Variants in ROBO1 observed in about 807,000 individuals in gnomAD.
ROBO1 encodes the protein roundabout homolog 1.
ROBO1 carries 149 observed loss-of-function variants against 195.9 expected under a neutral mutation model. The ratio of observed to expected loss-of-function variants is 0.76; its 90% CI spans 0.67 to 0.87. ROBO1 has a LOEUF of 0.87. Ranked by LOEUF, ROBO1 falls within the 40% of genes least tolerant of loss-of-function variation. ROBO1 has a pLI of 0.00. For synonymous variants in ROBO1, 816 were observed against 733.2 expected, an observed-to-expected ratio of 1.11 and a Z score of -1.82; for missense variants, 1,933 against 2,068.3, an observed-to-expected ratio of 0.93 and a Z score of 1.27.
intron 3 of ROBO1, among the ~76,000 whole-genome samples, chr3:78,947,866 A>T (rs894313023): frequency 6.6e-6 from 1 of 152,226 alleles, no homozygotes; most frequent in African/African-American, 2.4e-5. Context: ...ACAGAAACAC[A>T]AACTACCATC....
At position 78,627,423 on chromosome 3, in the gene ROBO1, T is replaced by A. The variant is rs1704876398; in HGVS notation, c.3773A>T (p.Gln1258Leu). ...SSPAAVSYSH[Q>L]STATLTPSPQ... ...GGAGGGAGTCAGAGTGGCAGTGGAC[T>A]GATGGCTATAGGACACGGCAGCTGG... Residue 1258 changes from glutamine (Q) to leucine (L), a missense_variant, in exon 26 of 31, where the codon CAG becomes CTG. Gln to Leu is a moderately radical substitution (Grantham distance 113). Around this residue, in one of 3 missense-constraint regions of ROBO1, gnomAD observed 1,737 missense variants for 1,882.5 expected, o/e 0.92. Coordinates refer to ENST00000464233, the MANE Select transcript of ROBO1 (RefSeq NM_002941.4). 1 of 1,612,956 alleles carries A rather than the reference T, an allele frequency of 6.2e-7. No individual in the cohort carries two copies. The highest frequency in any genetic ancestry group is 1.3e-5 in the African/African-American group (1 of 74,922).
chr3:79,291,868 T>G (rs988273762), intron 2 of ROBO1, among the ~76,000 whole-genome samples: 1 of 152,218 alleles, frequency 6.6e-6, no homozygotes, highest in Non-Finnish European at 1.5e-5. Flanking sequence ...TAATTACTTA[T>G]GCCAAATATT....
chr3:79,590,159 T>G (rs1943953812), intron 1 of ROBO1, among the ~76,000 whole-genome samples, 198 bp from the exon 2 acceptor site: 1 of 151,780 alleles, frequency 6.6e-6, no homozygotes, highest in Non-Finnish European at 1.5e-5. Context: ...TGGTATTTAT[T>G]AATTTTGAAA....
At chr3:79,107,127 TCACACACACACACA>T (rs369021063) in intron 3 of ROBO1, among the ~76,000 whole-genome samples, 2 of 136,384 alleles carry the variant, frequency 1.5e-5, no homozygotes, top group African/African-American at 2.7e-5. Flanking sequence ...TCTCTCTCTC[TCACACACACACACA>T]CACACACACA....
At chr3:79,570,233 T>C (rs1286836312) in intron 2 of ROBO1, among the ~76,000 whole-genome samples, 2 of 151,928 alleles carry the variant, frequency 1.3e-5, no homozygotes, top group African/African-American at 4.8e-5. Flanking sequence ...TGTGTGCATA[T>C]GCCTGTGAAA....
intron 4 of ROBO1, among the ~76,000 whole-genome samples, chr3:78,807,695 G>C (rs2084588962): frequency 6.6e-6 from 1 of 152,140 alleles, no homozygotes; most frequent in Admixed American, 6.5e-5. Flanking sequence ...AAGCTTATGA[G>C]AACATATGGT....
At chr3:79,579,229 T>C (rs1943585514) in intron 2 of ROBO1, among the ~76,000 whole-genome samples, 1 of 152,166 alleles carries the variant, frequency 6.6e-6, no homozygotes, top group South Asian at 2.1e-4. Flanking sequence ...ATTTAAAATG[T>C]ATTCTATAAT....
At chr3:78,906,834 T>C in intron 4 of ROBO1, among the ~76,000 whole-genome samples, 1 of 152,088 alleles carries the variant, frequency 6.6e-6, no homozygotes, top group Middle Eastern at 3.4e-3. Context: ...AACACTTCCA[T>C]GAAAAATAAC....
At chr3:79,594,329 C>T (rs1465352410) in intron 1 of ROBO1, among the ~76,000 whole-genome samples, 2 of 151,892 alleles carry the variant, frequency 1.3e-5, no homozygotes, top group African/African-American at 4.8e-5. Context: ...CCTTTGAATA[C>T]CATATGAACA....
At chr3:78,739,549 A>G (rs1158391003) in intron 5 of ROBO1, among the ~76,000 whole-genome samples, 2 of 152,126 alleles carry the variant, frequency 1.3e-5, no homozygotes, top group Non-Finnish European at 2.9e-5. Flanking sequence ...AAATGATGAC[A>G]GTTAATTGTT....
intron 1 of ROBO1, among the ~76,000 whole-genome samples, chr3:79,675,410 G>GAC (rs1466203518): frequency 6.6e-6 from 1 of 152,010 alleles, no homozygotes; most frequent in Admixed American, 6.6e-5. Flanking sequence ...ATTCATAGAT[G>GAC]ATAAAGATGT....
Position 79,060,952 on chromosome 3 carries a change from C to A in ROBO1, c.172+64504G>T, listed in dbSNP as rs553652550. ...TGAAAACTGGCACAAGGCAAGGATGCCCTCTCTCACCACTCCTATTCAACA... is the reference window on the plus strand; with the variant it reads ...TGAAAACTGGCACAAGGCAAGGATGACCTCTCTCACCACTCCTATTCAACA... On this transcript the variant is annotated intron_variant, in intron 3 of 30. Coordinates refer to ENST00000464233, the MANE Select transcript of ROBO1 (RefSeq NM_002941.4). Among the ~76,000 whole-genome samples, 3 of 152,142 alleles carry A rather than the reference C, an allele frequency of 2.0e-5. 1 individual carries two copies. The South Asian group carries it at 6.2e-4, about 31-fold the overall frequency.
intron 1 of ROBO1, among the ~76,000 whole-genome samples, chr3:79,595,396 T>C (rs1045360402): frequency 6.6e-6 from 1 of 152,058 alleles, no homozygotes; most frequent in Admixed American, 6.6e-5. Flanking sequence ...AACACCTACA[T>C]TTCCAAAATT....
At chr3:79,075,827 A>G (rs1559641408) in intron 3 of ROBO1, among the ~76,000 whole-genome samples, 1 of 151,998 alleles carries the variant, frequency 6.6e-6, no homozygotes, top group African/African-American at 2.4e-5. Flanking sequence ...TATAACATAT[A>G]TAATTATAGT....
At chr3:78,680,960 T>G (rs1180068113) in intron 10 of ROBO1, among the ~76,000 whole-genome samples, 1 of 150,992 alleles carries the variant, frequency 6.6e-6, no homozygotes, top group Non-Finnish European at 1.5e-5. Context: ...TAGACTGGAT[T>G]AAGAAAATGT....
intron 2 of ROBO1, among the ~76,000 whole-genome samples, chr3:79,261,534 G>C (rs2082938219): frequency 6.6e-6 from 1 of 151,930 alleles, no homozygotes; most frequent in Non-Finnish European, 1.5e-5. Context: ...ATTAAATTGT[G>C]AGTATAGAAA....
At chr3:79,303,638 G>T (rs907223269) in intron 2 of ROBO1, among the ~76,000 whole-genome samples, 1 of 151,856 alleles carries the variant, frequency 6.6e-6, no homozygotes, top group Non-Finnish European at 1.5e-5. Flanking sequence ...AAGAACATGT[G>T]GTATATAAAC....
rs201996130 is a variant in ROBO1 at position 79,057,294 on chromosome 3, G to A, written c.172+68162C>T. Among the ~76,000 whole-genome samples the A allele has an allele frequency of 2.3e-3, 350 of 152,048 alleles. 1 individual carries two copies. The highest frequency in any genetic ancestry group is 8.0e-3 in the African/African-American group (332 of 41,486). Reference sequence around the variant, plus strand: ...GGATTTCCCCAAACCTTTAAATATTGTCTCTGATTCTGATTAACTTGGGAA... The same window carrying A: ...GGATTTCCCCAAACCTTTAAATATTATCTCTGATTCTGATTAACTTGGGAA... On this transcript the variant is annotated intron_variant, in intron 3 of 30. Transcript: ENST00000464233.
intron 4 of ROBO1, among the ~76,000 whole-genome samples, chr3:78,901,572 A>G (rs1020823357): frequency 1.3e-5 from 2 of 152,184 alleles, no homozygotes; most frequent in Admixed American, 6.5e-5. Context: ...GCTCTTTTAA[A>G]TTGTCAGAAA....
Sources: allele counts gnomAD v4.1 joint callset (sites outside exome capture counted in the v4.1 genomes callset), GRCh38; gene constraint gnomAD v4.1.1; regional missense constraint gnomAD v4.1.1; transcripts MANE v1.5; gene names NCBI Gene and HGNC (gene_info 2026-07-23, HGNC 2026-07-21).